The following RBM26 variants were observed in gnomAD, a reference collection of about 807,000 sequenced individuals.
The protein encoded by RBM26 is RNA-binding protein 26.
A neutral mutation model predicts 123.6 loss-of-function variants in RBM26; 30 were observed. That is an observed-to-expected ratio of 0.24 (90% confidence interval 0.18 to 0.33). RBM26 has a LOEUF of 0.33. RBM26 is among the 10% of genes least tolerant of loss of function. The probability of loss-of-function intolerance (pLI) is 1.00; values close to 1 mark genes in which losing one functional copy is unlikely to be tolerated. For missense variants in RBM26, 947 were observed against 1,203.6 expected, an observed-to-expected ratio of 0.79 and a Z score of 3.15; for synonymous variants, 400 against 404.4, an observed-to-expected ratio of 0.99 and a Z score of 0.13.
At chr13:79,385,733 G>A (rs965204238) in intron 1 of RBM26, among the ~76,000 whole-genome samples, 1 of 152,122 alleles carries the variant, frequency 6.6e-6, no homozygotes. Context: ...ATATTTGTTT[G>A]AGTAATCAGA....
intron 14 of RBM26, among the ~76,000 whole-genome samples, chr13:79,350,501 T>C (rs189011382): frequency 1.3e-5 from 2 of 152,306 alleles, no homozygotes; most frequent in African/African-American, 4.8e-5. Context: ...ACATAATAAC[T>C]AAATACCTCT....
chr13:79,372,911 A>AT (rs1322566054), intron 3 of RBM26, among the ~76,000 whole-genome samples: 2 of 75,588 alleles, frequency 2.6e-5, no homozygotes, highest in Admixed American at 1.9e-4. Flanking sequence ...CTTATATATT[A>AT]CATATTTTAT....
In RBM26 at chr13:79,359,556, A is replaced by G. The variant is rs750680577; in HGVS notation, c.1529+19T>C. 4.2e-6 allele frequency: 5 copies of G among 1,199,928 alleles called. No individual in the cohort carries two copies. The South Asian group carries it at 6.5e-5, about 16-fold the overall frequency. The allele number at this position is 1,199,928 out of a possible 1,614,324, so 74.3% of individuals were successfully genotyped here. A position where few individuals can be genotyped will look rare whatever the true frequency, so the allele number is the denominator to read the frequency against. On this transcript the variant is annotated intron_variant, in intron 10 of 21. Coordinates refer to ENST00000438737, the MANE Select transcript of RBM26 (RefSeq NM_001366735.2). ...AATCAATGCACAATTATACTCCTCA[A>G]TTTTCCTGGCCACCTTACTTATCAA... is the stretch of plus-strand genomic sequence containing the variant.
At chr13:79,368,622 C>T (rs997175274) in intron 6 of RBM26, 108 bp downstream of exon 6, 2 of 1,055,244 alleles carry the variant, frequency 1.9e-6, no homozygotes, top group Admixed American at 2.4e-5. Context: ...AGGCTAATTT[C>T]CCACTTTTCA....
chr13:79,349,598 GA>G lies in RBM26; in HGVS notation c.2058+3554del, dbSNP rs576773467. On this transcript the variant is annotated intron_variant, in intron 14 of 21. Coordinates refer to ENST00000438737, the MANE Select transcript of RBM26 (RefSeq NM_001366735.2). ...AAATAAATTAATTTCATATTTTCCT[GA>G]AAAAAAAATGCAGGTAATAATCCTG... Among the ~76,000 whole-genome samples, 10 of 141,836 alleles carry G rather than the reference GA, an allele frequency of 7.1e-5. No homozygotes were observed. The South Asian group carries it at 1.1e-3, about 16-fold the overall frequency. 93.0% of individuals were successfully genotyped at this position (141,836 alleles called of 152,430 possible).
chr13:79,360,463 T>C (rs1455972247), intron 9 of RBM26, among the ~76,000 whole-genome samples: 1 of 152,028 alleles, frequency 6.6e-6, no homozygotes, highest in Non-Finnish European at 1.5e-5. Flanking sequence ...CAAGTCATTG[T>C]TCCCATCTAC....
At chr13:79,318,309 C>T (rs1189210513), downstream of RBM26, among the ~76,000 whole-genome samples, 2 of 150,966 alleles carry the variant, frequency 1.3e-5, no homozygotes, top group Non-Finnish European at 3.0e-5. Flanking sequence ...AATCTATTTT[C>T]ACCCACTAGC....
chr13:79,356,369 C>CAAAA (rs72305160), intron 11 of RBM26, among the ~76,000 whole-genome samples: 4 of 83,466 alleles, frequency 4.8e-5, no homozygotes, highest in Middle Eastern at 6.9e-3. Context: ...GACTCTGTCT[C>CAAAA]AAAAAAAAAA....
chr13:79,342,654 A>G lies in RBM26; in HGVS notation c.2427+10T>C. 1 of 1,442,362 alleles carries G rather than the reference A, an allele frequency of 6.9e-7. No homozygotes were observed. The highest frequency in any genetic ancestry group is 9.1e-7 in the Non-Finnish European group (1 of 1,097,976). The allele number at this position is 1,442,362 out of a possible 1,614,324, so 89.3% of individuals were successfully genotyped here. A position where few individuals can be genotyped will look rare whatever the true frequency, so the allele number is the denominator to read the frequency against. On this transcript the variant is annotated intron_variant, in intron 17 of 21. Coordinates refer to ENST00000438737, the MANE Select transcript of RBM26 (RefSeq NM_001366735.2). ...TAAGTAATAATATGAACAACAATGA[A>G]ATTAAATACCTGAGTCTTGGTTTTT... is the stretch of plus-strand genomic sequence containing the variant.
intron 20 of RBM26, among the ~76,000 whole-genome samples, chr13:79,327,529 T>G (rs1417514710): frequency 6.6e-6 from 1 of 150,424 alleles, no homozygotes; most frequent in African/African-American, 2.5e-5. Context: ...GAGGTAAAAC[T>G]ATGTTTAACC....
intron 13 of RBM26, 143 bp downstream of exon 13, chr13:79,354,293 AAAC>A (rs1594240675): frequency 5.0e-6 from 3 of 603,124 alleles, no homozygotes; most frequent in Non-Finnish European, 4.9e-6. Flanking sequence ...AAAAAAAAAA[AAAC>A]AACCTTATAG....
chr13:79,352,471 A>C (rs1275300792), intron 14 of RBM26, among the ~76,000 whole-genome samples: 1 of 151,906 alleles, frequency 6.6e-6, no homozygotes, highest in Non-Finnish European at 1.5e-5. Context: ...CTAAACAAAA[A>C]AAAAAAATAA....
At chr13:79,331,555 A>G (rs1004677414) in intron 20 of RBM26, among the ~76,000 whole-genome samples, 1 of 151,814 alleles carries the variant, frequency 6.6e-6, no homozygotes, top group Non-Finnish European at 1.5e-5. Flanking sequence ...AATGGCATGA[A>G]GCCAAGAGAG....
At chr13:79,356,376 A>AAG (rs1566428431) in intron 11 of RBM26, among the ~76,000 whole-genome samples, 1 of 107,998 alleles carries the variant, frequency 9.3e-6, no homozygotes, top group East Asian at 2.3e-4. Flanking sequence ...TCTCAAAAAA[A>AAG]AAAAAAAACA....
chr13:79,357,142 G>A (rs1174957217), intron 11 of RBM26, among the ~76,000 whole-genome samples: 1 of 152,068 alleles, frequency 6.6e-6, no homozygotes, highest in Non-Finnish European at 1.5e-5. Flanking sequence ...TAGATGGGCA[G>A]GGGAATGGAA....
rs1286403909 is a variant in RBM26 at position 79,319,112 on chromosome 13, TAC to T, written c.*1507_*1508del. On this transcript the variant is annotated 3_prime_UTR_variant, in exon 22 of 22. Transcript: ENST00000438737. ...TGAAATAGTGTTACCATCAAGAAAA[TAC>T]ACACAACTTCAACCCCAATTAGGGG... 6 of 983,994 alleles carry T rather than the reference TAC, an allele frequency of 6.1e-6. No homozygotes were observed. The highest frequency in any genetic ancestry group is 3.5e-5 in the African/African-American group (2 of 56,972). The allele number at this position is 983,994 out of a possible 1,614,324, so 61.0% of individuals were successfully genotyped here. A position where few individuals can be genotyped will look rare whatever the true frequency, so the allele number is the denominator to read the frequency against.
intron 10 of RBM26, 104 bp from the exon 11 acceptor site, chr13:79,358,537 T>C (rs2074294686): frequency 2.2e-6 from 2 of 921,782 alleles, no homozygotes; most frequent in Non-Finnish European, 3.2e-6. Flanking sequence ...AAGTTCAATT[T>C]TCCCCCAAAC....
Position 79,373,061 on chromosome 13 carries a change from TA to T in RBM26, c.328-1132del. On this transcript the variant is annotated intron_variant, in intron 3 of 21. Coordinates refer to ENST00000438737, the MANE Select transcript of RBM26 (RefSeq NM_001366735.2). ...TATATAATATATAAGATATATCTTA[TA>T]TATTACATATTTTATATAATATATA... is the stretch of plus-strand genomic sequence containing the variant. 7.7e-5 allele frequency among the ~76,000 whole-genome samples: 3 copies of T among 38,906 alleles called. 1 individual carries two copies. Among genetic ancestry groups the T allele is most frequent in the Non-Finnish European group, 1.2e-4 (3 of 24,110 alleles). 25.5% of individuals were successfully genotyped at this position (38,906 alleles called of 152,430 possible).
chr13:79,369,081 T>A, intron 5 of RBM26, 91 bp from the exon 6 acceptor site: 3 of 810,602 alleles, frequency 3.7e-6, no homozygotes, highest in Non-Finnish European at 1.8e-6. Context: ...TTTATAAACA[T>A]AGAAAAAAAA....
Sources: allele counts gnomAD v4.1 joint callset (sites outside exome capture counted in the v4.1 genomes callset), GRCh38; gene constraint gnomAD v4.1.1; transcripts MANE v1.5; gene names NCBI Gene and HGNC (gene_info 2026-07-23, HGNC 2026-07-21).